PCDH9: variants seen among roughly 807,000 people sequenced by gnomAD.
PCDH9 encodes the protein protocadherin-9.
Under a neutral mutation model 70.6 loss-of-function variants are expected in PCDH9, and 24 were observed. That is an observed-to-expected ratio of 0.34 (90% CI 0.25 to 0.48). The LOEUF (loss-of-function observed/expected upper bound fraction) is 0.48. Ranked by LOEUF, PCDH9 falls within the 20% of genes least tolerant of loss-of-function variation. PCDH9 has a pLI of 0.99. For missense variants in PCDH9, 1,281 were observed against 1,503.6 expected, an observed-to-expected ratio of 0.85 and a Z score of 2.45; for synonymous variants, 562 against 558.5, an observed-to-expected ratio of 1.01 and a Z score of -0.09.
intron 3 of PCDH9, among the ~76,000 whole-genome samples, chr13:66,664,372 T>C (rs2078063315): frequency 6.6e-6 from 1 of 152,110 alleles, no homozygotes; most frequent in Admixed American, 6.6e-5. Flanking sequence ...CCAGGAAAGC[T>C]GGAGGTTGAA....
chr13:66,864,687 C>G (rs1245927390), intron 3 of PCDH9, among the ~76,000 whole-genome samples: 1 of 152,198 alleles, frequency 6.6e-6, no homozygotes, highest in African/African-American at 2.4e-5. Flanking sequence ...TCTCTCTTTC[C>G]CACTAATCAC....
At chr13:66,721,033 A>T (rs1269740015) in intron 3 of PCDH9, among the ~76,000 whole-genome samples, 1 of 152,226 alleles carries the variant, frequency 6.6e-6, no homozygotes, top group Admixed American at 6.5e-5. Flanking sequence ...AAAATAATTC[A>T]TTTATGAAAA....
chr13:66,911,204 A>G (rs1407039965), intron 2 of PCDH9, among the ~76,000 whole-genome samples: 1 of 152,202 alleles, frequency 6.6e-6, no homozygotes, highest in African/African-American at 2.4e-5. Flanking sequence ...CTAAATGTGC[A>G]GTAACAGAAC....
At chr13:66,850,906 T>C in intron 3 of PCDH9, among the ~76,000 whole-genome samples, 1 of 152,220 alleles carries the variant, frequency 6.6e-6, no homozygotes, top group Admixed American at 6.5e-5. Context: ...TATCACAGTG[T>C]TAAATGCTTT....
chr13:66,410,910 T>G (rs1411892782), intron 4 of PCDH9, among the ~76,000 whole-genome samples: 2 of 152,214 alleles, frequency 1.3e-5, no homozygotes, highest in Non-Finnish European at 2.9e-5. Flanking sequence ...ATGAAATGTT[T>G]TGAAATTGAT....
chr13:66,952,489 T>C (rs1270840095), intron 2 of PCDH9, among the ~76,000 whole-genome samples: 2 of 152,156 alleles, frequency 1.3e-5, no homozygotes, highest in African/African-American at 4.8e-5. Context: ...ATTCCTCTCA[T>C]CCAAAATAAA....
intron 3 of PCDH9, among the ~76,000 whole-genome samples, chr13:66,808,971 G>A (rs1253966182): frequency 2.6e-5 from 4 of 152,118 alleles, no homozygotes; most frequent in Non-Finnish European, 4.4e-5. Flanking sequence ...GTTTTGAGAC[G>A]GAGTCTTGCT....
intron 4 of PCDH9, among the ~76,000 whole-genome samples, chr13:66,504,869 C>T (rs1959195843): frequency 6.6e-6 from 1 of 152,020 alleles, no homozygotes; most frequent in African/African-American, 2.4e-5. Context: ...TTATCTTTTC[C>T]CAAGTAGTCT....
At chr13:66,634,224 A>C (rs948975790) in intron 3 of PCDH9, among the ~76,000 whole-genome samples, 6 of 152,192 alleles carry the variant, frequency 3.9e-5, no homozygotes, top group African/African-American at 1.4e-4. Context: ...ATTTGTGCAC[A>C]ATCTATCAGT....
intron 4 of PCDH9, among the ~76,000 whole-genome samples, chr13:66,370,926 G>T (rs939260262): frequency 6.6e-6 from 1 of 151,960 alleles, no homozygotes; most frequent in Non-Finnish European, 1.5e-5. Flanking sequence ...TTAAAGTCAT[G>T]TTATTCAACT....
chr13:66,903,608 GA>G lies in PCDH9; in HGVS notation c.3037-4del. Reference sequence around the variant, plus strand: ...TCACTTTTGCTGTGTGAGTTACACTGAAAGAGATTACCAAATAATTGTGACA... The same window carrying G: ...TCACTTTTGCTGTGTGAGTTACACTGAAGAGATTACCAAATAATTGTGACA... On this transcript the variant is annotated splice_polypyrimidine_tract_variant and splice_region_variant and intron_variant, in intron 2 of 4. Transcript: ENST00000377865. 1 of 1,297,818 alleles carries G rather than the reference GA, an allele frequency of 7.7e-7. No homozygotes were observed. The highest frequency in any genetic ancestry group is 1.1e-6 in the Non-Finnish European group (1 of 894,968). 80.4% of individuals were successfully genotyped at this position (1,297,818 alleles called of 1,614,324 possible).
At chr13:66,856,985 G>A (rs754708143) in intron 3 of PCDH9, among the ~76,000 whole-genome samples, 1 of 151,978 alleles carries the variant, frequency 6.6e-6, no homozygotes, top group Non-Finnish European at 1.5e-5. Flanking sequence ...CCACATAATT[G>A]AGTATAAGGA....
intron 3 of PCDH9, among the ~76,000 whole-genome samples, chr13:66,865,572 T>C (rs914786307): frequency 6.6e-6 from 1 of 152,196 alleles, no homozygotes. Context: ...TATTAGATAA[T>C]AGACATTTGA....
At chr13:66,319,136 A>G (rs115122147) in intron 4 of PCDH9, among the ~76,000 whole-genome samples, 2,326 of 152,288 alleles carry the variant, frequency 0.015, 58 homozygotes, top group African/African-American at 0.054. Context: ...CTTCTTCACA[A>G]GGCGGCAGGA....
chr13:66,457,595 C>A (rs1222216540), intron 4 of PCDH9, among the ~76,000 whole-genome samples: 1 of 151,972 alleles, frequency 6.6e-6, no homozygotes, highest in Non-Finnish European at 1.5e-5. Flanking sequence ...TTTAAAATCC[C>A]AATGCCTAGA....
chr13:66,441,777 G>T (rs1957978374), intron 4 of PCDH9, among the ~76,000 whole-genome samples: 1 of 151,880 alleles, frequency 6.6e-6, no homozygotes, highest in East Asian at 1.9e-4. Context: ...GATAATTCTT[G>T]GTTAATAAAG....
At chr13:67,117,550 G>A (rs527248903) in intron 2 of PCDH9, among the ~76,000 whole-genome samples, 1 of 152,164 alleles carries the variant, frequency 6.6e-6, no homozygotes, top group Admixed American at 6.5e-5. Context: ...AAGTAAGAGT[G>A]AGAAAGGAAA....
chr13:67,067,335 T>C (rs2085667313), intron 2 of PCDH9, among the ~76,000 whole-genome samples: 1 of 152,144 alleles, frequency 6.6e-6, no homozygotes, highest in African/African-American at 2.4e-5. Context: ...TAAATTCTAA[T>C]AATATATTTT....
chr13:66,383,598 A>G (rs1274985657), intron 4 of PCDH9, among the ~76,000 whole-genome samples: 1 of 152,230 alleles, frequency 6.6e-6, no homozygotes, highest in Non-Finnish European at 1.5e-5. Flanking sequence ...AATACAAATA[A>G]AATAACATAT....
Sources: allele counts gnomAD v4.1 joint callset (sites outside exome capture counted in the v4.1 genomes callset), GRCh38; gene constraint gnomAD v4.1.1; transcripts MANE v1.5; gene names NCBI Gene and HGNC (gene_info 2026-07-23, HGNC 2026-07-21).